PARP8: variants seen among roughly 807,000 people sequenced by gnomAD.
PARP8 encodes protein mono-ADP-ribosyltransferase PARP8.
PARP8 carries 51 observed loss-of-function variants against 124.1 expected under a neutral mutation model. That is an observed-to-expected ratio of 0.41 (90% CI 0.33 to 0.52). PARP8 has a LOEUF of 0.52. Among genes scored for constraint, PARP8 ranks in the 20% least tolerant of loss-of-function variants. PARP8 has a pLI of 0.21. For synonymous variants in PARP8, 391 were observed against 361.5 expected (o/e 1.08, Z -0.93); for missense variants, 860 against 1,018.9 (o/e 0.84, Z 2.12).
chr5:50,830,819 CGT>C (rs10611893), intron 22 of PARP8, among the ~76,000 whole-genome samples: 17,907 of 147,528 alleles, frequency 0.12, 1,316 homozygotes, highest in East Asian at 0.3. Context: ...TGTGCTCATG[CGT>C]GTGTGTGTGT....
intron 15 of PARP8, among the ~76,000 whole-genome samples, chr5:50,819,277 C>A (rs1016566100): frequency 2.1e-4 from 32 of 152,052 alleles, no homozygotes; most frequent in African/African-American, 7.7e-4. Flanking sequence ...CTTAAATATA[C>A]TAGTAAAAAT....
chr5:50,844,340 G>T lies in PARP8; in HGVS notation c.*2272G>T, dbSNP rs1194501962. The T allele has an allele frequency of 6.6e-6, 1 of 151,728 alleles. No individual in the cohort carries two copies. The highest frequency in any genetic ancestry group is 2.4e-5 in the African/African-American group (1 of 41,372). The allele number at this position is 151,728 out of a possible 1,614,324, so 9.4% of individuals were successfully genotyped here. ...CCTTTGTAAGCAAATATTCTAAGGA[G>T]AATCAATCTTATTTTTTAATTGAAC... On this transcript the variant is annotated 3_prime_UTR_variant, in exon 26 of 26. Transcript: ENST00000281631.
intron 9 of PARP8, among the ~76,000 whole-genome samples, chr5:50,786,041 A>G (rs1201009748): frequency 6.6e-6 from 1 of 151,928 alleles, no homozygotes; most frequent in African/African-American, 2.4e-5. Flanking sequence ...ATCAGCAAAT[A>G]TTTCTCTTGT....
At chr5:50,751,642 G>A (rs768878578) in intron 3 of PARP8, among the ~76,000 whole-genome samples, 8 of 152,102 alleles carry the variant, frequency 5.3e-5, no homozygotes, top group Non-Finnish European at 8.8e-5. Context: ...ATGCCGGTCT[G>A]TAGGAAAGGC....
intron 6 of PARP8, 74 bp downstream of exon 6, chr5:50,761,972 C>T (rs1435728065): frequency 3.2e-6 from 3 of 934,994 alleles, no homozygotes; most frequent in Admixed American, 2.2e-5. Flanking sequence ...GTAATCTGTG[C>T]CTGAGAGTTA....
At chr5:50,694,655 G>T (rs1752832569) in intron 2 of PARP8, among the ~76,000 whole-genome samples, 1 of 152,108 alleles carries the variant, frequency 6.6e-6, no homozygotes, top group African/African-American at 2.4e-5. Context: ...GTATTAGTCT[G>T]GGTTCTCTAG....
At chr5:50,754,177 A>ACT (rs1338070676) in intron 3 of PARP8, among the ~76,000 whole-genome samples, 1 of 29,772 alleles carries the variant, frequency 3.4e-5, no homozygotes, top group African/African-American at 7.7e-5. Context: ...ACACACACAC[A>ACT]CACATATATA....
chr5:50,778,153 T>A, intron 8 of PARP8, 24 bp downstream of exon 8: 1 of 1,469,508 alleles, frequency 6.8e-7, no homozygotes, highest in Non-Finnish European at 9.4e-7. Context: ...TTATGTAATA[T>A]GAATGGTGCA....
chr5:50,667,250 G>C lies in PARP8; in HGVS notation c.91+64G>C, dbSNP rs1484583550. The stretch of plus-strand genomic sequence containing the variant: ...CCCTTCCCAGTTTTCTGACCGCGAC[G>C]TCTGTGGCTGGGGGTGGGGTGGAGG... On this transcript the variant is annotated intron_variant, in intron 1 of 25. Coordinates refer to ENST00000281631, the MANE Select transcript of PARP8 (RefSeq NM_024615.4). 4.6e-6 allele frequency: 7 copies of C among 1,513,106 alleles called. No individual in the cohort carries two copies. In the Admixed American group the frequency reaches 6.7e-5, roughly 15 times the overall value. The allele number at this position is 1,513,106 out of a possible 1,614,324, so 93.7% of individuals were successfully genotyped here. A position where few individuals can be genotyped will look rare whatever the true frequency, so the allele number is the denominator to read the frequency against.
Position 50,792,069 on chromosome 5 carries a change from A to G in PARP8, c.738-2138A>G, listed in dbSNP as rs575579420. Among the ~76,000 whole-genome samples, 6 of 152,282 alleles carry G rather than the reference A, an allele frequency of 3.9e-5. No homozygotes were observed. In the East Asian group the frequency reaches 1.2e-3, roughly 29 times the overall value. Reference sequence around the variant, plus strand: ...GTCCACTGCCCTGGAACCTTTGTTCACATAGTTGGCCGTGATATCATCTGC... The same window carrying G: ...GTCCACTGCCCTGGAACCTTTGTTCGCATAGTTGGCCGTGATATCATCTGC... On this transcript the variant is annotated intron_variant, in intron 10 of 25. Coordinates refer to ENST00000281631, the MANE Select transcript of PARP8 (RefSeq NM_024615.4).
chr5:50,822,490 A>C, intron 17 of PARP8, 90 bp downstream of exon 17: 1 of 993,084 alleles, frequency 1.0e-6, no homozygotes, highest in Non-Finnish European at 1.5e-6. Context: ...TCTATAATAC[A>C]TATCATTTAA....
chr5:50,834,098 A>G (rs1191693055), intron 24 of PARP8, 50 bp downstream of exon 24: 4 of 1,360,856 alleles, frequency 2.9e-6, no homozygotes, highest in African/African-American at 2.9e-5. Context: ...TAGCTCATCT[A>G]TAATTAAAAA....
At chr5:50,760,681 A>C (rs1760457777) in intron 5 of PARP8, among the ~76,000 whole-genome samples, 1 of 152,118 alleles carries the variant, frequency 6.6e-6, no homozygotes, top group Admixed American at 6.5e-5. Flanking sequence ...TTATAACTGC[A>C]CGTGGCTATA....
At position 50,739,105 on chromosome 5, in the gene PARP8, A is replaced by G. The variant is rs1159976273; in HGVS notation, c.147-11046A>G. 3 of 702,218 alleles carry G rather than the reference A, an allele frequency of 4.3e-6. No individual in the cohort carries two copies. The African/African-American group carries it at 5.2e-5, about 12-fold the overall frequency. The allele number at this position is 702,218 out of a possible 1,614,324, so 43.5% of individuals were successfully genotyped here. A position where few individuals can be genotyped will look rare whatever the true frequency, so the allele number is the denominator to read the frequency against. ...CCCACAGGTATTGAATCAAAGTCCC[A>G]AGCTCTACTCTGAATGGAGCACCCT... is the stretch of plus-strand genomic sequence containing the variant. On this transcript the variant is annotated intron_variant, in intron 2 of 25. Coordinates refer to ENST00000281631, the MANE Select transcript of PARP8 (RefSeq NM_024615.4).
chr5:50,750,294 C>T (rs2149552173), intron 3 of PARP8, 106 bp downstream of exon 3: 1 of 945,664 alleles, frequency 1.1e-6, no homozygotes, highest in East Asian at 2.4e-5. Flanking sequence ...GGGTGAAACA[C>T]TGGTAGAGGA....
intron 7 of PARP8, among the ~76,000 whole-genome samples, chr5:50,771,292 T>A (rs1188054897): frequency 6.6e-6 from 1 of 152,164 alleles, no homozygotes; most frequent in Non-Finnish European, 1.5e-5. Flanking sequence ...CCTGAGTAGC[T>A]GAGACTACAG....
At chr5:50,739,973 A>T (rs1326536738) in intron 2 of PARP8, among the ~76,000 whole-genome samples, 4 of 151,010 alleles carry the variant, frequency 2.6e-5, no homozygotes, top group Non-Finnish European at 5.9e-5. Flanking sequence ...CTGGTCTTGA[A>T]CTCCTGACCT....
chr5:50,700,759 C>G (rs1284818515), intron 2 of PARP8, among the ~76,000 whole-genome samples: 1 of 152,090 alleles, frequency 6.6e-6, no homozygotes, highest in Admixed American at 6.6e-5. Context: ...TTACGTTTTT[C>G]TTCCTGCGAA....
intron 2 of PARP8, among the ~76,000 whole-genome samples, chr5:50,733,475 A>C (rs183528164): frequency 1.3e-4 from 20 of 152,290 alleles, no homozygotes; most frequent in African/African-American, 4.6e-4. Context: ...TTGATGAAGT[A>C]GTTTTTTAAA....
Sources: gnomAD v4.1 joint callset for allele counts (sites outside exome capture counted in the v4.1 genomes callset) on GRCh38, gnomAD v4.1.1 for gene constraint, MANE v1.5 for transcripts, NCBI Gene and HGNC (gene_info 2026-07-23, HGNC 2026-07-21) for gene names.